CTNNBIP1: variants seen among roughly 807,000 people sequenced by gnomAD.
CTNNBIP1 encodes beta-catenin-interacting protein 1.
Under a neutral mutation model 11.8 loss-of-function variants are expected in CTNNBIP1, and 7 were observed. The observed-to-expected ratio is 0.60, with a 90% CI of 0.34 to 1.12. The LOEUF (loss-of-function observed/expected upper bound fraction) is 1.12, where lower values mean the gene tolerates loss of function less well. Ranked by LOEUF, CTNNBIP1 falls within the 50% of genes most tolerant of loss-of-function variation. The pLI is 0.03. For missense variants in CTNNBIP1, 101 were observed against 113.4 expected (o/e 0.89, Z 0.50); for synonymous variants, 58 against 43.9 (o/e 1.32, Z -1.26).
intron 5 of CTNNBIP1, among the ~76,000 whole-genome samples, chr1:9,860,631 A>AG (rs1432903726): frequency 6.6e-6 from 1 of 150,738 alleles, no homozygotes; most frequent in African/African-American, 2.4e-5. Flanking sequence ...AAAAAAAAAA[A>AG]AAAAGAAAAA....
In CTNNBIP1 at chr1:9,871,569, C is replaced by G. The variant is rs1262444474; in HGVS notation, c.97-292G>C. 5.3e-5 allele frequency among the ~76,000 whole-genome samples: 8 copies of G among 152,110 alleles called. No individual in the cohort carries two copies. Among genetic ancestry groups the G allele is most frequent in the Non-Finnish European group, 1.2e-4 (8 of 68,008 alleles). ...AAGTCCTGCCCGGAAGGCTGAGGGGCGATTCCATGTCCCTCCACTCTTTTT... is the reference window on the plus strand; with the variant it reads ...AAGTCCTGCCCGGAAGGCTGAGGGGGGATTCCATGTCCCTCCACTCTTTTT... On this transcript the variant is annotated intron_variant, in intron 4 of 5. Transcript: ENST00000377263. This position sits in a 1 kb window ranked among gnomAD's most constrained non-coding sequence, Gnocchi z 5.2.
At chr1:9,892,584 CTG>C (rs1411324090) in intron 1 of CTNNBIP1, among the ~76,000 whole-genome samples, 1 of 146,948 alleles carries the variant, frequency 6.8e-6, no homozygotes, top group East Asian at 1.9e-4. Context: ...CAGAGCGAGA[CTG>C]TCTCAAAAAA....
At chr1:9,856,308 G>A (rs530107794) in intron 5 of CTNNBIP1, among the ~76,000 whole-genome samples, 1 of 151,736 alleles carries the variant, frequency 6.6e-6, no homozygotes, top group Non-Finnish European at 1.5e-5. Context: ...TCCACGCCTG[G>A]CAGGAAATGG....
In CTNNBIP1 at chr1:9,864,377, G is replaced by A. The variant is rs191402222; in HGVS notation, c.187+6810C>T. 1.2e-4 allele frequency among the ~76,000 whole-genome samples: 19 copies of A among 152,354 alleles called. No individual in the cohort carries two copies. The East Asian group carries it at 2.5e-3, about 20-fold the overall frequency. On this transcript the variant is annotated intron_variant, in intron 5 of 5. Transcript: ENST00000377263. ...CGAGTCTCGCTCTGTCGCCCAGGCT[G>A]GAGTGCAGTGGCGCGATCTCGGCTC... is the stretch of plus-strand genomic sequence containing the variant.
chr1:9,867,117 A>G lies in CTNNBIP1; in HGVS notation c.187+4070T>C, dbSNP rs1356534608. On this transcript the variant is annotated intron_variant, in intron 5 of 5. Coordinates refer to ENST00000377263, the MANE Select transcript of CTNNBIP1 (RefSeq NM_020248.3). This position sits in a 1 kb window ranked among gnomAD's most constrained non-coding sequence, Gnocchi z 4.6. ...ACTGCGTGTGGAACAGGGAGAAGAGAGGGGGCAACCCTGGAGGATGACAGC... is the reference window on the plus strand; with the variant it reads ...ACTGCGTGTGGAACAGGGAGAAGAGGGGGGGCAACCCTGGAGGATGACAGC... Among the ~76,000 whole-genome samples, 1 of 152,124 alleles carries G rather than the reference A, an allele frequency of 6.6e-6. No individual in the cohort carries two copies. Among genetic ancestry groups the G allele is most frequent in the Non-Finnish European group, 1.5e-5 (1 of 67,994 alleles).
rs1051971194 is a variant in CTNNBIP1 at position 9,848,951 on chromosome 1, C to T, written c.*1767G>A. On this transcript the variant is annotated 3_prime_UTR_variant, in exon 6 of 6. Coordinates refer to ENST00000377263, the MANE Select transcript of CTNNBIP1 (RefSeq NM_020248.3). The surrounding 1 kb of genome is among the most constrained non-coding windows in gnomAD (Gnocchi z 4.3). The stretch of plus-strand genomic sequence containing the variant: ...CTGTGCACTTCATGACACTCAGGAG[C>T]CCCTACGGCCCGAGCCCCAAGCCCC... 2.0e-5 allele frequency: 3 copies of T among 152,220 alleles called. No individual in the cohort carries two copies. The highest frequency in any genetic ancestry group is 4.4e-5 in the Non-Finnish European group (3 of 68,050). 9.4% of individuals were successfully genotyped at this position (152,220 alleles called of 1,614,324 possible). A position where few individuals can be genotyped will look rare whatever the true frequency, so the allele number is the denominator to read the frequency against.
chr1:9,908,160 GA>G (rs1321798615), intron 1 of CTNNBIP1, among the ~76,000 whole-genome samples: 2 of 152,122 alleles, frequency 1.3e-5, no homozygotes, highest in Non-Finnish European at 2.9e-5. Flanking sequence ...CCAGGTTCAG[GA>G]AATTCTCCTG....
intron 5 of CTNNBIP1, among the ~76,000 whole-genome samples, chr1:9,855,033 T>G (rs1331568767): frequency 1.3e-5 from 2 of 152,168 alleles, no homozygotes; most frequent in African/African-American, 4.8e-5. Flanking sequence ...ACAAGGTCAA[T>G]ATACAAAAAT....
chr1:9,881,754 G>C (rs1639087897), intron 2 of CTNNBIP1, among the ~76,000 whole-genome samples: 1 of 152,136 alleles, frequency 6.6e-6, no homozygotes, highest in Non-Finnish European at 1.5e-5. Flanking sequence ...AAACTGCCAA[G>C]GGTTCCACAA....
intron 3 of CTNNBIP1, among the ~76,000 whole-genome samples, chr1:9,876,597 A>T (rs1425044776): frequency 6.6e-6 from 1 of 152,206 alleles, no homozygotes; most frequent in Non-Finnish European, 1.5e-5. Flanking sequence ...AACCTGAGCG[A>T]CAGAGTGAGA....
In CTNNBIP1 at chr1:9,871,083, G is replaced by A. The variant is rs1638850071; in HGVS notation, c.187+104C>T. 1.2e-6 allele frequency: 1 copy of A among 836,488 alleles called. No individual in the cohort carries two copies. The highest frequency in any genetic ancestry group is 1.7e-5 in the African/African-American group (1 of 58,496). 51.8% of individuals were successfully genotyped at this position (836,488 alleles called of 1,614,324 possible). A position where few individuals can be genotyped will look rare whatever the true frequency, so the allele number is the denominator to read the frequency against. On this transcript the variant is annotated intron_variant, in intron 5 of 5. Transcript: ENST00000377263. This position sits in a 1 kb window ranked among gnomAD's most constrained non-coding sequence, Gnocchi z 5.2. ...CCTCCTAGTCAGCCCTGGGTCTCAT[G>A]GATCACCCATCAAAGAGGGCTGGAG...
intron 5 of CTNNBIP1, among the ~76,000 whole-genome samples, chr1:9,853,849 C>T (rs1227019275): frequency 6.6e-6 from 1 of 152,162 alleles, no homozygotes; most frequent in Non-Finnish European, 1.5e-5. Flanking sequence ...GAAAAGAGAA[C>T]TACAGATGAG....
rs1379885291 is a variant in CTNNBIP1, at chr1:9,872,874, G to A, written c.-24-786C>T. On this transcript the variant is annotated intron_variant, in intron 3 of 5. Coordinates refer to ENST00000377263, the MANE Select transcript of CTNNBIP1 (RefSeq NM_020248.3). This position sits in a 1 kb window ranked among gnomAD's most constrained non-coding sequence, Gnocchi z 4.0. ...GAGGAGAGGAAGCTGGGTATGGAGG[G>A]GCTTGGGTTACACACTGGTAACTCC... Among the ~76,000 whole-genome samples the A allele has an allele frequency of 2.6e-5, 4 of 152,176 alleles. No individual in the cohort carries two copies. The highest frequency in any genetic ancestry group is 6.5e-5 in the Admixed American group (1 of 15,288).
chr1:9,896,280 A>G (rs1425402999), intron 1 of CTNNBIP1, among the ~76,000 whole-genome samples: 1 of 152,228 alleles, frequency 6.6e-6, no homozygotes, highest in African/African-American at 2.4e-5. Context: ...GTTTGCCCCA[A>G]TTCTGGTGAT....
At chr1:9,861,561 G>A (rs1048394179) in intron 5 of CTNNBIP1, among the ~76,000 whole-genome samples, 13 of 152,202 alleles carry the variant, frequency 8.5e-5, no homozygotes, top group Admixed American at 5.9e-4. Context: ...CAGGCTCAGG[G>A]GCGCCTCCTG....
intron 2 of CTNNBIP1, among the ~76,000 whole-genome samples, chr1:9,881,693 C>A (rs1450855198): frequency 6.6e-6 from 1 of 152,122 alleles, no homozygotes; most frequent in Non-Finnish European, 1.5e-5. Flanking sequence ...CTGAGCCCTG[C>A]AAATGATACA....
intron 5 of CTNNBIP1, among the ~76,000 whole-genome samples, chr1:9,860,970 T>C (rs1475641149): frequency 1.3e-5 from 2 of 152,218 alleles, no homozygotes; most frequent in African/African-American, 4.8e-5. Flanking sequence ...GAGCTAACTT[T>C]GGCTAAGTGC....
intron 5 of CTNNBIP1, among the ~76,000 whole-genome samples, chr1:9,864,116 G>T (rs1037191946): frequency 1.3e-5 from 2 of 152,190 alleles, no homozygotes; most frequent in Admixed American, 1.3e-4. Flanking sequence ...AACCTTCCCT[G>T]GAAAGTGTCT....
At chr1:9,876,889 C>G (rs1228258334) in intron 3 of CTNNBIP1, among the ~76,000 whole-genome samples, 2 of 139,042 alleles carry the variant, frequency 1.4e-5, no homozygotes, top group African/African-American at 5.4e-5. Flanking sequence ...CACACACACA[C>G]AGTTCAGAGC....
Sources: allele counts gnomAD v4.1 joint callset (sites outside exome capture counted in the v4.1 genomes callset), GRCh38; gene constraint gnomAD v4.1.1; non-coding constraint Gnocchi (gnomAD v3.1); transcripts MANE v1.5; gene names NCBI Gene and HGNC (gene_info 2026-07-23, HGNC 2026-07-21).